The following SPATA3 variants were observed in gnomAD, a reference collection of about 807,000 sequenced individuals.
The protein encoded by SPATA3 is spermatogenesis associated 3.
A neutral mutation model predicts 5.7 loss-of-function variants in SPATA3; 6 were observed. That is an observed-to-expected ratio of 1.06 (90% CI 0.58 to 2.09). The LOEUF is 2.09. Among genes scored for constraint, SPATA3 ranks in the 30% most tolerant of loss-of-function variants. The probability of loss-of-function intolerance (pLI) is 0.00; values close to 1 mark genes in which losing one functional copy is unlikely to be tolerated. For missense variants in SPATA3, 155 were observed against 130.4 expected (o/e 1.19, Z -0.92); for synonymous variants, 44 against 48.4 (o/e 0.91, Z 0.37).
intron 6 of SPATA3, among the ~76,000 whole-genome samples, chr2:231,014,620 T>C (rs13022681): frequency 0.44 from 66,272 of 151,770 alleles, 15,603 homozygotes; most frequent in African/African-American, 0.59. Flanking sequence ...AGGTGCAAGA[T>C]TGGGACAGCA....
At chr2:231,015,112 A>G (rs1237921785) in intron 6 of SPATA3, among the ~76,000 whole-genome samples, 4 of 152,050 alleles carry the variant, frequency 2.6e-5, no homozygotes, top group Non-Finnish European at 5.9e-5. Context: ...AGCAAACCCT[A>G]CAGAGTCCCA....
At chr2:230,997,458 A>G (rs1692171697) in intron 1 of SPATA3, among the ~76,000 whole-genome samples, 1 of 152,224 alleles carries the variant, frequency 6.6e-6, no homozygotes, top group Admixed American at 6.5e-5. Flanking sequence ...ATACAGGCCC[A>G]TGGATAGGAT....
downstream of SPATA3, among the ~76,000 whole-genome samples, chr2:231,011,954 G>A (rs1009259085): frequency 6.6e-6 from 1 of 152,238 alleles, no homozygotes; most frequent in Non-Finnish European, 1.5e-5. Context: ...AGTCACAGGG[G>A]GTCGAAGCAG....
At chr2:231,014,830 A>G (rs1240143861) in intron 6 of SPATA3, among the ~76,000 whole-genome samples, 1 of 152,172 alleles carries the variant, frequency 6.6e-6, no homozygotes, top group Non-Finnish European at 1.5e-5. Flanking sequence ...CCCCTGGGGT[A>G]AGCCAAGGAC....
At chr2:231,010,399 A>C (rs187206413), downstream of SPATA3, among the ~76,000 whole-genome samples, 3 of 152,240 alleles carry the variant, frequency 2.0e-5, no homozygotes, top group Non-Finnish European at 4.4e-5. Context: ...TCTGAGCAGC[A>C]TTCCTTCCTC....
chr2:231,019,559 C>CAA lies in SPATA3; in HGVS notation c.*566-161_*566-160insAA, dbSNP rs547652067. Among the ~76,000 whole-genome samples, 323 of 147,850 alleles carry CAA rather than the reference C, an allele frequency of 2.2e-3. 5 individuals are homozygous for CAA. Among genetic ancestry groups the CAA allele is most frequent in the African/African-American group, 7.6e-3 (306 of 40,192 alleles). On this transcript the variant is annotated intron_variant, in intron 6 of 8. Coordinates refer to the SPATA3 transcript ENST00000452881. ...CGGGATGGTCTCGATCTCCTGACCT[C>CAA]GTGATTCACCCACCTCGGCCTCCCA...
chr2:231,005,442 C>T (rs1489370138), downstream of SPATA3, among the ~76,000 whole-genome samples: 8 of 57,542 alleles, frequency 1.4e-4, no homozygotes, highest in East Asian at 6.9e-4. Context: ...ACCACAATCA[C>T]CACCATCACC....
intron 6 of SPATA3, among the ~76,000 whole-genome samples, chr2:231,019,030 G>A (rs1276395121): frequency 5.7e-5 from 8 of 139,824 alleles, no homozygotes; most frequent in African/African-American, 1.6e-4. Flanking sequence ...GCAGTGGCAC[G>A]ATCTCGGCTC....
intron 1 of SPATA3, chr2:230,999,704 G>C (rs1297283283): frequency 5.9e-6 from 1 of 169,072 alleles, no homozygotes; most frequent in Non-Finnish European, 1.5e-5. Context: ...AATAGGATCG[G>C]GACTGGAAAC....
chr2:231,004,763 C>T (rs1001854977), downstream of SPATA3, among the ~76,000 whole-genome samples: 4 of 152,090 alleles, frequency 2.6e-5, no homozygotes, highest in African/African-American at 9.7e-5. Context: ...GGGGCAGGTT[C>T]CCTAACTCCT....
downstream of SPATA3, among the ~76,000 whole-genome samples, chr2:231,008,559 C>A (rs752096027): frequency 4.1e-4 from 62 of 151,546 alleles, no homozygotes; most frequent in Non-Finnish European, 6.1e-4. Flanking sequence ...CCCTCAGTCC[C>A]AAGATTTCCT....
intron 6 of SPATA3, chr2:231,014,295 C>T (rs960863557): frequency 1.8e-4 from 27 of 152,276 alleles, no homozygotes; most frequent in African/African-American, 6.5e-4. Flanking sequence ...ACAAGCTGAT[C>T]ATAAGCCTTT....
chr2:231,011,318 T>C (rs940948107), downstream of SPATA3, among the ~76,000 whole-genome samples: 2 of 152,116 alleles, frequency 1.3e-5, no homozygotes, highest in Non-Finnish European at 2.9e-5. Flanking sequence ...TTTCACCATT[T>C]TGGCCAGGCT....
chr2:231,014,373 A>G (rs1455937395), intron 6 of SPATA3, among the ~76,000 whole-genome samples: 1 of 152,202 alleles, frequency 6.6e-6, no homozygotes, highest in Non-Finnish European at 1.5e-5. Flanking sequence ...CAGTTAGAGG[A>G]ATTCCTCCTC....
intron 6 of SPATA3, among the ~76,000 whole-genome samples, chr2:231,015,349 T>C (rs1484106124): frequency 6.8e-6 from 1 of 146,710 alleles, no homozygotes; most frequent in Non-Finnish European, 1.5e-5. Flanking sequence ...CCCAAAGTGC[T>C]GGGATTTCAG....
At chr2:231,003,441 G>A (rs568842038), downstream of SPATA3, among the ~76,000 whole-genome samples, 2 of 152,272 alleles carry the variant, frequency 1.3e-5, no homozygotes, top group East Asian at 3.9e-4. Flanking sequence ...GGTGCTCTCA[G>A]GGAGTGAGGG....
At chr2:231,015,921 A>G (rs910578955) in intron 6 of SPATA3, among the ~76,000 whole-genome samples, 13 of 152,272 alleles carry the variant, frequency 8.5e-5, no homozygotes, top group Non-Finnish European at 1.8e-4. Flanking sequence ...TTCCCTGGGC[A>G]GGAGACTCCT....
downstream of SPATA3, among the ~76,000 whole-genome samples, chr2:231,011,210 G>A (rs934235695): frequency 6.6e-6 from 1 of 152,048 alleles, no homozygotes; most frequent in Non-Finnish European, 1.5e-5. Flanking sequence ...CACCTCCCGG[G>A]TTCAAGCAAT....
exon 2 of SPATA3, chr2:231,000,429 G>A: frequency 6.5e-7 from 1 of 1,546,620 alleles, no homozygotes; most frequent in Non-Finnish European, 8.7e-7. Flanking sequence ...AGCTCCGCTT[G>A]CTGGCGTCGT....
Sources: gnomAD v4.1 joint callset for allele counts (sites outside exome capture counted in the v4.1 genomes callset) on GRCh38, gnomAD v4.1.1 for gene constraint, MANE v1.5 for transcripts, NCBI Gene and HGNC (gene_info 2026-07-23, HGNC 2026-07-21) for gene names.